Variants in PRKCB observed in about 807,000 individuals in gnomAD.
PRKCB encodes protein kinase C beta.
A neutral mutation model predicts 81.5 loss-of-function variants in PRKCB; 13 were observed. The ratio of observed to expected loss-of-function variants is 0.16; its 90% confidence interval spans 0.10 to 0.25. The LOEUF is 0.25. Among genes scored for constraint, PRKCB ranks in the 10% least tolerant of loss-of-function variants. PRKCB has a pLI of 1.00. For synonymous variants in PRKCB, 335 were observed against 321.4 expected (o/e 1.04, Z -0.45); for missense variants, 509 against 875.7 (o/e 0.58, Z 5.29).
chr16:23,952,400 G>T (rs1481014822), intron 2 of PRKCB, among the ~76,000 whole-genome samples: 2 of 152,206 alleles, frequency 1.3e-5, no homozygotes, highest in Admixed American at 6.5e-5. Context: ...GCGTATGTGT[G>T]AACAAGGCTT....
chr16:23,973,256 A>C (rs1324175021), intron 2 of PRKCB, among the ~76,000 whole-genome samples: 1 of 152,048 alleles, frequency 6.6e-6, no homozygotes, highest in Admixed American at 6.5e-5. Flanking sequence ...ATCTTGGCTC[A>C]CTGCAACCTT....
At chr16:23,933,909 A>ATCCC (rs2141759628) in intron 2 of PRKCB, among the ~76,000 whole-genome samples, 1 of 125,132 alleles carries the variant, frequency 8.0e-6, no homozygotes, top group East Asian at 2.4e-4. Flanking sequence ...CTACCCATCC[A>ATCCC]TCCATCCATC....
chr16:24,066,874 G>A (rs1302128780), intron 5 of PRKCB, among the ~76,000 whole-genome samples: 3 of 152,160 alleles, frequency 2.0e-5, no homozygotes, highest in Non-Finnish European at 4.4e-5. Flanking sequence ...TTTGAGACAA[G>A]GGTCTTGCTC....
intron 16 of PRKCB, among the ~76,000 whole-genome samples, chr16:24,201,537 G>T (rs557471941): frequency 3.3e-5 from 5 of 152,280 alleles, no homozygotes; most frequent in African/African-American, 2.4e-5. Context: ...CTTTTTGGAA[G>T]ATTATTGGGT....
chr16:23,951,779 G>A (rs1482722688), intron 2 of PRKCB, among the ~76,000 whole-genome samples: 3 of 151,036 alleles, frequency 2.0e-5, no homozygotes, highest in Admixed American at 6.6e-5. Flanking sequence ...ATGCCAATCC[G>A]TGATTTAGTC....
chr16:23,935,059 G>A (rs896336280), intron 2 of PRKCB, among the ~76,000 whole-genome samples: 46 of 152,190 alleles, frequency 3.0e-4, no homozygotes, highest in African/African-American at 1.1e-3. Context: ...AAACCTGGCT[G>A]AGCACAGAGC....
At chr16:24,167,142 T>TAA (rs10715574) in intron 10 of PRKCB, among the ~76,000 whole-genome samples, 2 of 140,630 alleles carry the variant, frequency 1.4e-5, no homozygotes. Flanking sequence ...TGTTTTCTAT[T>TAA]AAAAAAAAAA....
intron 10 of PRKCB, among the ~76,000 whole-genome samples, chr16:24,166,547 A>G (rs1967350160): frequency 6.6e-6 from 1 of 152,242 alleles, no homozygotes; most frequent in African/African-American, 2.4e-5. Flanking sequence ...ACGTTAAAAC[A>G]AATACAAAGC....
rs1298241902 is a variant in PRKCB at position 23,873,169 on chromosome 16, AACAC to A, written c.205+35781_205+35784del. 5.3e-4 allele frequency among the ~76,000 whole-genome samples: 57 copies of A among 108,404 alleles called. 2 individuals are homozygous for A. Among genetic ancestry groups the A allele is most frequent in the Non-Finnish European group, 6.3e-4 (35 of 55,796 alleles). 71.1% of individuals were successfully genotyped at this position (108,404 alleles called of 152,430 possible). A position where few individuals can be genotyped will look rare whatever the true frequency, so the allele number is the denominator to read the frequency against. ...GTGGCTAAACCCCGTCTCTACTAAA[AACAC>A]ACACACACACACACACAAAAAAAAA... is the stretch of plus-strand genomic sequence containing the variant. On this transcript the variant is annotated intron_variant, in intron 2 of 16. Coordinates refer to ENST00000643927, the MANE Select transcript of PRKCB (RefSeq NM_002738.7).
chr16:24,127,284 G>T (rs1363357852), intron 9 of PRKCB, among the ~76,000 whole-genome samples: 1 of 152,090 alleles, frequency 6.6e-6, no homozygotes, highest in Non-Finnish European at 1.5e-5. Context: ...GGGATTACAG[G>T]TGTGAGCCAC....
At chr16:23,993,574 T>C (rs1410392040) in intron 3 of PRKCB, among the ~76,000 whole-genome samples, 1 of 152,164 alleles carries the variant, frequency 6.6e-6, no homozygotes, top group Non-Finnish European at 1.5e-5. Flanking sequence ...AGAAATATAT[T>C]TGTGAGGGGA....
chr16:23,931,726 C>G (rs117716161), intron 2 of PRKCB, among the ~76,000 whole-genome samples: 1 of 151,932 alleles, frequency 6.6e-6, no homozygotes, highest in Admixed American at 6.6e-5. Context: ...GGCCTTCTGG[C>G]CTGCTGGGTC....
intron 3 of PRKCB, among the ~76,000 whole-genome samples, chr16:24,016,535 A>G (rs1048457663): frequency 6.6e-6 from 1 of 152,172 alleles, no homozygotes; most frequent in Non-Finnish European, 1.5e-5. Flanking sequence ...TCTGGTTATA[A>G]AATAAAGATA....
At chr16:24,198,185 T>C (rs1567410040) in intron 16 of PRKCB, among the ~76,000 whole-genome samples, 1 of 152,230 alleles carries the variant, frequency 6.6e-6, no homozygotes, top group Non-Finnish European at 1.5e-5. Context: ...GAAGTGGTAG[T>C]ACATGGAGCT....
intron 2 of PRKCB, among the ~76,000 whole-genome samples, chr16:23,906,310 G>T (rs1963560015): frequency 6.6e-6 from 1 of 152,008 alleles, no homozygotes; most frequent in Non-Finnish European, 1.5e-5. Flanking sequence ...ATGTTTGAAA[G>T]CTCTATTTCT....
chr16:24,181,744 C>T (rs567665965), intron 13 of PRKCB, among the ~76,000 whole-genome samples: 2 of 106,196 alleles, frequency 1.9e-5, no homozygotes, highest in East Asian at 3.3e-4. Flanking sequence ...CTCCAGCCTG[C>T]CTGGGTGACA....
At chr16:23,912,225 C>T (rs1218073814) in intron 2 of PRKCB, among the ~76,000 whole-genome samples, 1 of 152,074 alleles carries the variant, frequency 6.6e-6, no homozygotes, top group Non-Finnish European at 1.5e-5. Context: ...CATTTCCCCT[C>T]ATATTATTAT....
At chr16:23,849,775 G>T (rs906990819) in intron 2 of PRKCB, among the ~76,000 whole-genome samples, 4 of 152,148 alleles carry the variant, frequency 2.6e-5, no homozygotes, top group Admixed American at 2.0e-4. Context: ...TATATACAAT[G>T]TGTCATGGTT....
rs11333770 is a variant in PRKCB, at chr16:24,005,226, G to GA, written c.288+16647dup. Among the ~76,000 whole-genome samples, 730 of 147,978 alleles carry GA rather than the reference G, an allele frequency of 4.9e-3. 8 individuals are homozygous for GA. Among genetic ancestry groups the GA allele is most frequent in the African/African-American group, 0.017 (671 of 40,296 alleles). On this transcript the variant is annotated intron_variant, in intron 3 of 16. Transcript: ENST00000643927. ...ATGCAGTCATAATATATTGCTAAAT[G>GA]AAAAAAAAAAAGCAGACAACAAAAC...
Sources: allele counts gnomAD v4.1 joint callset (sites outside exome capture counted in the v4.1 genomes callset), GRCh38; gene constraint gnomAD v4.1.1; transcripts MANE v1.5; gene names NCBI Gene and HGNC (gene_info 2026-07-23, HGNC 2026-07-21).